TBL1XR1: variants seen among roughly 807,000 people sequenced by gnomAD.
TBL1XR1 encodes the protein F-box-like/WD repeat-containing protein TBL1XR1.
In TBL1XR1, 5 loss-of-function variants were observed where a neutral mutation model predicts 66.9. That is an observed-to-expected ratio of 0.07 (90% CI 0.04 to 0.16). The LOEUF (loss-of-function observed/expected upper bound fraction) is 0.16, where lower values mean the gene tolerates loss of function less well. Among genes scored for constraint, TBL1XR1 ranks in the 10% least tolerant of loss-of-function variants. The pLI, the probability that TBL1XR1 is intolerant of heterozygous loss-of-function variation, is 1.00. For synonymous variants in TBL1XR1, 210 were observed against 206.0 expected, an observed-to-expected ratio of 1.02 and a Z score of -0.17; for missense variants, 238 against 623.2, an observed-to-expected ratio of 0.38 and a Z score of 6.58.
chr3:177,121,030 T>G (rs1042882066), intron 1 of TBL1XR1, among the ~76,000 whole-genome samples: 2 of 152,226 alleles, frequency 1.3e-5, no homozygotes, highest in African/African-American at 4.8e-5. Flanking sequence ...CTTTAAATAC[T>G]GCATACTACA....
chr3:177,049,355 G>A (rs538572395), intron 7 of TBL1XR1, among the ~76,000 whole-genome samples: 1 of 152,160 alleles, frequency 6.6e-6, no homozygotes, highest in Non-Finnish European at 1.5e-5. Context: ...GGTAAGAGAT[G>A]TATTTAAAAC....
intron 2 of TBL1XR1, chr3:177,078,600 A>AAC (rs1164269703): frequency 2.6e-5 from 4 of 151,538 alleles, no homozygotes; most frequent in African/African-American, 9.7e-5. Flanking sequence ...AAAAAAAAAA[A>AAC]ATAAAGTATA....
chr3:177,058,180 C>A (rs1718050183), intron 3 of TBL1XR1, among the ~76,000 whole-genome samples: 1 of 152,168 alleles, frequency 6.6e-6, no homozygotes, highest in African/African-American at 2.4e-5. Context: ...CTGCCCTAGT[C>A]TGAAACGAAA....
chr3:177,135,470 G>C (rs1392310850), intron 1 of TBL1XR1, among the ~76,000 whole-genome samples: 1 of 144,552 alleles, frequency 6.9e-6, no homozygotes, highest in Admixed American at 6.9e-5. Context: ...TGCAAGCTCC[G>C]CCAGCCGGGT....
intron 12 of TBL1XR1, among the ~76,000 whole-genome samples, chr3:177,037,079 T>C (rs755540955): frequency 2.2e-4 from 33 of 152,212 alleles, no homozygotes; most frequent in South Asian, 8.3e-4. Flanking sequence ...GATGTGGATG[T>C]TGGTATGTCA....
intron 10 of TBL1XR1, among the ~76,000 whole-genome samples, chr3:177,042,664 T>A (rs888915455): frequency 8.6e-5 from 13 of 151,966 alleles, no homozygotes; most frequent in Non-Finnish European, 1.5e-4. Flanking sequence ...TAAAAAAAAA[T>A]TTTATGTACC....
rs541059969 is a variant in TBL1XR1, at chr3:177,049,169, T to C, written c.702+828A>G. ...TTAGTGGGGATAATCATTTTAAAGA[T>C]AGATCTCATTCCCGGGGAAAAGAAT... On this transcript the variant is annotated intron_variant, in intron 7 of 15. Transcript: ENST00000457928. Among the ~76,000 whole-genome samples, 6 of 152,320 alleles carry C rather than the reference T, an allele frequency of 3.9e-5. No individual in the cohort carries two copies. The South Asian group carries it at 1.2e-3, about 32-fold the overall frequency.
intron 1 of TBL1XR1, among the ~76,000 whole-genome samples, chr3:177,142,909 G>T (rs1729791601): frequency 6.6e-6 from 1 of 151,872 alleles, no homozygotes; most frequent in East Asian, 1.9e-4. Flanking sequence ...TTACCCACCT[G>T]AAGACAAAAA....
chr3:177,061,215 C>G (rs1348799028), intron 3 of TBL1XR1, among the ~76,000 whole-genome samples: 1 of 152,074 alleles, frequency 6.6e-6, no homozygotes, highest in Non-Finnish European at 1.5e-5. Context: ...CAATGTAAAT[C>G]CCTTCTCCAC....
chr3:177,066,734 G>A (rs1719214606), intron 2 of TBL1XR1, among the ~76,000 whole-genome samples: 1 of 152,122 alleles, frequency 6.6e-6, no homozygotes, highest in Non-Finnish European at 1.5e-5. Context: ...TATTTAGAAG[G>A]TAGACTCAAT....
At chr3:177,051,956 A>G (rs1401725533) in intron 4 of TBL1XR1, among the ~76,000 whole-genome samples, 4 of 152,196 alleles carry the variant, frequency 2.6e-5, no homozygotes, top group African/African-American at 9.6e-5. Context: ...ATTACAGTAT[A>G]GAGCTGTACA....
chr3:177,136,631 A>C (rs1166014207), intron 1 of TBL1XR1, among the ~76,000 whole-genome samples: 2 of 152,222 alleles, frequency 1.3e-5, no homozygotes, highest in East Asian at 3.8e-4. Flanking sequence ...TGGAGTAGTA[A>C]AAATCTATCA....
intron 1 of TBL1XR1, among the ~76,000 whole-genome samples, chr3:177,151,454 A>C (rs1173494318): frequency 6.6e-6 from 1 of 152,152 alleles, no homozygotes; most frequent in Non-Finnish European, 1.5e-5. Flanking sequence ...TTCTCACAGG[A>C]GCGTGAACCC....
chr3:177,086,913 A>G (rs1487219072), intron 2 of TBL1XR1: 1 of 151,694 alleles, frequency 6.6e-6, no homozygotes, highest in Non-Finnish European at 1.5e-5. Context: ...TCTTACAATA[A>G]AAGAAGCTAG....
intron 1 of TBL1XR1, among the ~76,000 whole-genome samples, chr3:177,106,509 G>C (rs766126500): frequency 2.6e-4 from 39 of 152,298 alleles, no homozygotes; most frequent in Non-Finnish European, 1.6e-4. Flanking sequence ...CGTGGTATCG[G>C]AGGTTAAGAG....
intron 1 of TBL1XR1, among the ~76,000 whole-genome samples, chr3:177,160,453 G>A (rs940932072): frequency 1.5e-4 from 22 of 147,104 alleles, no homozygotes; most frequent in African/African-American, 4.5e-4. Context: ...CAGCCTGGGC[G>A]ACAGAGCGAG....
Position 177,135,291 on chromosome 3 carries a change from C to T in TBL1XR1, c.-121-36750G>A, listed in dbSNP as rs1484858213. ...TGCTGGGATTACAGGTGTGAGCCACCGCACAAGGCCGCACTCTGTGTGTGT... is the reference window on the plus strand; with the variant it reads ...TGCTGGGATTACAGGTGTGAGCCACTGCACAAGGCCGCACTCTGTGTGTGT... On this transcript the variant is annotated intron_variant, in intron 1 of 15. Transcript: ENST00000457928. Among the ~76,000 whole-genome samples the T allele has an allele frequency of 3.3e-4, 43 of 129,528 alleles. 2 individuals carry two copies. Among genetic ancestry groups the T allele is most frequent in the African/African-American group, 1.2e-3 (41 of 33,996 alleles). 85.0% of individuals were successfully genotyped at this position (129,528 alleles called of 152,430 possible).
intron 1 of TBL1XR1, among the ~76,000 whole-genome samples, chr3:177,171,681 C>A (rs1577376553): frequency 9.5e-6 from 1 of 105,780 alleles, no homozygotes; most frequent in East Asian, 3.0e-4. Context: ...CCAGCCTGGG[C>A]AACAGAGCCA....
intron 1 of TBL1XR1, among the ~76,000 whole-genome samples, chr3:177,108,868 C>G (rs1799624): frequency 0.64 from 97,327 of 151,902 alleles, 31,774 homozygotes; most frequent in African/African-American, 0.76. Flanking sequence ...AAGGAAGAAA[C>G]AGAAAACACT....
Sources: gnomAD v4.1 joint callset for allele counts (sites outside exome capture counted in the v4.1 genomes callset) on GRCh38, gnomAD v4.1.1 for gene constraint, MANE v1.5 for transcripts, NCBI Gene and HGNC (gene_info 2026-07-23, HGNC 2026-07-21) for gene names.